The following CNTNAP2 variants were observed in gnomAD, a reference collection of about 807,000 sequenced individuals.
CNTNAP2 encodes contactin associated protein 2.
A neutral mutation model predicts 155.2 loss-of-function variants in CNTNAP2; 98 were observed. The ratio of observed to expected loss-of-function variants is 0.63; its 90% CI spans 0.54 to 0.75. The LOEUF (loss-of-function observed/expected upper bound fraction) is 0.75. Among genes scored for constraint, CNTNAP2 ranks in the 30% least tolerant of loss-of-function variants. The probability of loss-of-function intolerance (pLI) is 0.00; values close to 1 mark genes in which losing one functional copy is unlikely to be tolerated. For missense variants in CNTNAP2, 1,727 were observed against 1,688.1 expected, an observed-to-expected ratio of 1.02 and a Z score of -0.40; for synonymous variants, 651 against 631.2, an observed-to-expected ratio of 1.03 and a Z score of -0.47.
intron 1 of CNTNAP2, among the ~76,000 whole-genome samples, chr7:146,467,473 T>C (rs1182581790): frequency 6.6e-6 from 1 of 152,182 alleles, no homozygotes; most frequent in Non-Finnish European, 1.5e-5. Flanking sequence ...GTCATTTCAA[T>C]TGATCATTCT....
At chr7:147,002,158 A>G (rs188819277) in intron 3 of CNTNAP2, among the ~76,000 whole-genome samples, 4 of 152,146 alleles carry the variant, frequency 2.6e-5, no homozygotes, top group African/African-American at 9.6e-5. Flanking sequence ...TGCATTTATT[A>G]TATAATAATT....
intron 1 of CNTNAP2, among the ~76,000 whole-genome samples, chr7:146,625,316 A>G (rs1799400681): frequency 6.6e-6 from 1 of 151,726 alleles, no homozygotes; most frequent in Admixed American, 6.6e-5. Context: ...GAAGGGATAG[A>G]GATGCATAAA....
intron 13 of CNTNAP2, among the ~76,000 whole-genome samples, chr7:147,808,922 T>A (rs1410245005): frequency 1.3e-5 from 2 of 152,218 alleles, no homozygotes; most frequent in Non-Finnish European, 2.9e-5. Flanking sequence ...ATACTCATTT[T>A]TTAAATTTTC....
chr7:146,680,472 A>G (rs1486387513), intron 1 of CNTNAP2, among the ~76,000 whole-genome samples: 1 of 152,206 alleles, frequency 6.6e-6, no homozygotes, highest in Non-Finnish European at 1.5e-5. Flanking sequence ...AACCTTGATT[A>G]CAGCAGCTGA....
chr7:148,052,012 G>T (rs1162968433), intron 15 of CNTNAP2, among the ~76,000 whole-genome samples: 1 of 151,822 alleles, frequency 6.6e-6, no homozygotes, highest in Non-Finnish European at 1.5e-5. Flanking sequence ...GGTGGCAGGT[G>T]CCTGTAGTCC....
In CNTNAP2 at chr7:146,530,491, T is replaced by C. The variant is rs187982745; in HGVS notation, c.98-243780T>C. On this transcript the variant is annotated intron_variant, in intron 1 of 23. Coordinates refer to ENST00000361727, the MANE Select transcript of CNTNAP2 (RefSeq NM_014141.6). ...TTACAAACTGTGCATCCAACAGCAG[T>C]CTAATATCCGTAATCTATAAGGGGC... Among the ~76,000 whole-genome samples the C allele has an allele frequency of 6.6e-5, 10 of 152,160 alleles. No individual in the cohort carries two copies. In the East Asian group the frequency reaches 1.7e-3, roughly 26 times the overall value.
rs189268740 is a variant in CNTNAP2, at chr7:148,055,139, C to T, written c.2384-62979C>T. ...CCTCAGGTGATCTGCCTGCCTCGGC[C>T]TCCCAAAGTGCTGGGATTATAGGTG... On this transcript the variant is annotated intron_variant, in intron 15 of 23. Transcript: ENST00000361727. Among the ~76,000 whole-genome samples the T allele has an allele frequency of 2.5e-3, 382 of 152,234 alleles. 2 individuals carry two copies. Among genetic ancestry groups the T allele is most frequent in the African/African-American group, 9.0e-3 (374 of 41,532 alleles).
chr7:146,767,788 T>G (rs1195515255), intron 1 of CNTNAP2, among the ~76,000 whole-genome samples: 1 of 152,162 alleles, frequency 6.6e-6, no homozygotes, highest in Non-Finnish European at 1.5e-5. Context: ...TTTAAAAATC[T>G]AGAACGACTG....
intron 14 of CNTNAP2, among the ~76,000 whole-genome samples, chr7:147,971,117 G>T (rs893960725): frequency 7.9e-5 from 12 of 152,100 alleles, no homozygotes; most frequent in African/African-American, 2.9e-4. Context: ...TAAAGATTTT[G>T]TAGTCCCTGG....
chr7:146,898,940 G>A (rs1795936928), intron 3 of CNTNAP2, among the ~76,000 whole-genome samples: 2 of 151,802 alleles, frequency 1.3e-5, no homozygotes, highest in Non-Finnish European at 2.9e-5. Flanking sequence ...CACTGAAAGT[G>A]ATTTTTGTCA....
chr7:147,642,446 G>T (rs1795294463), intron 13 of CNTNAP2, among the ~76,000 whole-genome samples: 1 of 151,978 alleles, frequency 6.6e-6, no homozygotes, highest in Admixed American at 6.6e-5. Flanking sequence ...TCCTGGTCTT[G>T]CAGTTCAGCA....
At position 146,235,595 on chromosome 7, in the gene CNTNAP2, G is replaced by A. The variant is rs112748619; in HGVS notation, c.97+118622G>A. ...TTGCCATCAGCATCATCTTCTCTGG[G>A]GCATAAGGGATCTGGGGTTCTTATA... On this transcript the variant is annotated intron_variant, in intron 1 of 23. Coordinates refer to ENST00000361727, the MANE Select transcript of CNTNAP2 (RefSeq NM_014141.6). Among the ~76,000 whole-genome samples the A allele has an allele frequency of 2.4e-3, 364 of 152,194 alleles. 4 individuals are homozygous for A. Among genetic ancestry groups the A allele is most frequent in the African/African-American group, 8.4e-3 (349 of 41,522 alleles).
intron 3 of CNTNAP2, among the ~76,000 whole-genome samples, chr7:147,003,289 C>G (rs74899850): frequency 1.3e-5 from 2 of 151,478 alleles, no homozygotes; most frequent in Non-Finnish European, 2.9e-5. Context: ...TGATCTTGTA[C>G]GTAATTATAA....
At chr7:148,049,076 G>A (rs1261158058) in intron 15 of CNTNAP2, among the ~76,000 whole-genome samples, 1 of 152,086 alleles carries the variant, frequency 6.6e-6, no homozygotes, top group Non-Finnish European at 1.5e-5. Flanking sequence ...TTAGCCAGGT[G>A]TAGTGGTAGG....
At chr7:147,312,244 G>A (rs1795140553) in intron 9 of CNTNAP2, among the ~76,000 whole-genome samples, 1 of 151,756 alleles carries the variant, frequency 6.6e-6, no homozygotes, top group African/African-American at 2.4e-5. Flanking sequence ...CTCCTCCTGG[G>A]AATTTTATTT....
At position 147,932,669 on chromosome 7, in the gene CNTNAP2, A is replaced by T. The variant is rs142818982; in HGVS notation, c.2255+28948A>T. 2.3e-3 allele frequency among the ~76,000 whole-genome samples: 355 copies of T among 152,338 alleles called. 2 individuals are homozygous for T. The highest frequency in any genetic ancestry group is 8.0e-3 in the African/African-American group (333 of 41,582). ...TCTTTGCAATGATTTCTTGGATATG[A>T]CACCAAAAGCACAAACAACAAAAGC... On this transcript the variant is annotated intron_variant, in intron 14 of 23. Coordinates refer to ENST00000361727, the MANE Select transcript of CNTNAP2 (RefSeq NM_014141.6).
intron 1 of CNTNAP2, among the ~76,000 whole-genome samples, chr7:146,611,978 G>A (rs867513377): frequency 1.3e-5 from 2 of 152,068 alleles, no homozygotes; most frequent in African/African-American, 4.8e-5. Flanking sequence ...CATATAAAAG[G>A]TTATCCTTGT....
chr7:148,404,236 G>C (rs1464742190), intron 22 of CNTNAP2, among the ~76,000 whole-genome samples: 1 of 152,254 alleles, frequency 6.6e-6, no homozygotes, highest in East Asian at 1.9e-4. Context: ...ACATGATTAA[G>C]ATTGGTCTCT....
At chr7:148,024,652 C>T (rs1157144865) in intron 15 of CNTNAP2, among the ~76,000 whole-genome samples, 1 of 152,126 alleles carries the variant, frequency 6.6e-6, no homozygotes, top group Non-Finnish European at 1.5e-5. Flanking sequence ...CATTATTTGA[C>T]CCCCAAAACA....
Sources: allele counts gnomAD v4.1 joint callset (sites outside exome capture counted in the v4.1 genomes callset), GRCh38; gene constraint gnomAD v4.1.1; transcripts MANE v1.5; gene names NCBI Gene and HGNC (gene_info 2026-07-23, HGNC 2026-07-21).